RORA: variants seen among roughly 807,000 people sequenced by gnomAD.
The protein encoded by RORA is nuclear receptor ROR-alpha.
In RORA, 7 loss-of-function variants were observed where a neutral mutation model predicts 69.5. The ratio of observed to expected loss-of-function variants is 0.10; its 90% CI spans 0.06 to 0.19. The LOEUF (loss-of-function observed/expected upper bound fraction) is 0.19. Ranked by LOEUF, RORA falls within the 10% of genes least tolerant of loss-of-function variation. The pLI is 1.00. For synonymous variants in RORA, 261 were observed against 240.8 expected (o/e 1.08, Z -0.78); for missense variants, 457 against 663.0 (o/e 0.69, Z 3.41).
At chr15:61,220,270 C>T (rs2080082787) in intron 1 of RORA, among the ~76,000 whole-genome samples, 1 of 152,208 alleles carries the variant, frequency 6.6e-6, no homozygotes, top group African/African-American at 2.4e-5. Context: ...AGCAGTTCAC[C>T]CTCCCAGTTG....
chr15:60,702,942 A>T (rs1596139515), intron 1 of RORA, among the ~76,000 whole-genome samples: 1 of 152,220 alleles, frequency 6.6e-6, no homozygotes, highest in South Asian at 2.1e-4. Context: ...CGTCCCCTTG[A>T]CCTCTATCCA....
At chr15:61,005,134 T>C (rs1446305128) in intron 1 of RORA, among the ~76,000 whole-genome samples, 3 of 152,162 alleles carry the variant, frequency 2.0e-5, no homozygotes, top group Admixed American at 6.5e-5. Flanking sequence ...GGTTCAACAA[T>C]AGGATGATTG....
chr15:61,191,421 G>A (rs2079799196), intron 1 of RORA, among the ~76,000 whole-genome samples: 1 of 151,288 alleles, frequency 6.6e-6, no homozygotes, highest in African/African-American at 2.4e-5. Context: ...TCTAATAGTT[G>A]AGAGTGAAAT....
chr15:60,540,574 C>CTGCCG lies in RORA; in HGVS notation c.197-8724_197-8723insCGGCA, dbSNP rs376142482. Among the ~76,000 whole-genome samples the CTGCCG allele has an allele frequency of 3.9e-5, 4 of 102,646 alleles. 1 individual carries two copies. The highest frequency in any genetic ancestry group is 7.7e-5 in the Non-Finnish European group (4 of 51,910). 67.3% of individuals were successfully genotyped at this position (102,646 alleles called of 152,430 possible). A position where few individuals can be genotyped will look rare whatever the true frequency, so the allele number is the denominator to read the frequency against. On this transcript the variant is annotated intron_variant, in intron 2 of 10. Transcript: ENST00000335670. ...TGCACAATTTCCATGACCCCCCCCC[C>CTGCCG]CCAAAACTGTGCGGTCACAAAACCC...
At chr15:61,029,174 C>A (rs532392567) in intron 1 of RORA, among the ~76,000 whole-genome samples, 1 of 152,068 alleles carries the variant, frequency 6.6e-6, no homozygotes, top group African/African-American at 2.4e-5. Flanking sequence ...AACACCAACC[C>A]GAACCAGATG....
At chr15:60,892,601 A>G (rs77486621) in intron 1 of RORA, among the ~76,000 whole-genome samples, 2,618 of 152,310 alleles carry the variant, frequency 0.017, 42 homozygotes, top group Non-Finnish European at 0.027. Context: ...CGAATATACA[A>G]TCAAAATGGA....
intron 1 of RORA, among the ~76,000 whole-genome samples, chr15:60,939,472 G>A (rs1357296938): frequency 1.3e-5 from 2 of 152,210 alleles, no homozygotes; most frequent in African/African-American, 4.8e-5. Flanking sequence ...GGGCCAGGCT[G>A]GTCCTGAGGT....
chr15:61,121,293 G>C (rs2079102080), intron 1 of RORA, among the ~76,000 whole-genome samples: 1 of 152,208 alleles, frequency 6.6e-6, no homozygotes, highest in Non-Finnish European at 1.5e-5. Context: ...GTGGAACTGG[G>C]TGGCTGTCTG....
At chr15:60,699,807 A>T (rs911015600) in intron 1 of RORA, among the ~76,000 whole-genome samples, 2 of 152,192 alleles carry the variant, frequency 1.3e-5, no homozygotes, top group South Asian at 2.1e-4. Flanking sequence ...TGATATTTTA[A>T]TATTTACCAA....
At chr15:60,744,022 G>A (rs775979092) in intron 1 of RORA, among the ~76,000 whole-genome samples, 28 of 151,548 alleles carry the variant, frequency 1.8e-4, no homozygotes, top group Non-Finnish European at 2.8e-4. Context: ...ATAAGGGGTG[G>A]GTGAGAAAAA....
intron 1 of RORA, among the ~76,000 whole-genome samples, chr15:60,768,136 A>G (rs903530145): frequency 6.6e-6 from 1 of 152,212 alleles, no homozygotes; most frequent in Non-Finnish European, 1.5e-5. Context: ...CTCATCCCCC[A>G]TCATGACACC....
intron 1 of RORA, among the ~76,000 whole-genome samples, chr15:61,000,703 T>G (rs1894718064): frequency 1.3e-5 from 2 of 152,226 alleles, no homozygotes; most frequent in African/African-American, 4.8e-5. Context: ...TGATTACTAT[T>G]GTCCAGCACA....
intron 1 of RORA, among the ~76,000 whole-genome samples, chr15:60,747,656 C>T (rs1038946837): frequency 6.6e-6 from 1 of 152,064 alleles, no homozygotes; most frequent in African/African-American, 2.4e-5. Context: ...GACTACTGTG[C>T]ACAAGGAGAG....
chr15:61,108,863 G>T (rs1465216529), intron 1 of RORA, among the ~76,000 whole-genome samples: 2 of 152,124 alleles, frequency 1.3e-5, no homozygotes, highest in Non-Finnish European at 2.9e-5. Flanking sequence ...AATTAGGAAT[G>T]TGCCAATACT....
chr15:60,856,235 T>G (rs1284951992), intron 1 of RORA, among the ~76,000 whole-genome samples: 3 of 152,220 alleles, frequency 2.0e-5, no homozygotes, highest in East Asian at 3.9e-4. Context: ...CTTGGCATAT[T>G]TGAGGCCACT....
chr15:61,055,518 G>C (rs1003115900), intron 1 of RORA, among the ~76,000 whole-genome samples: 2 of 152,200 alleles, frequency 1.3e-5, no homozygotes, highest in African/African-American at 4.8e-5. Context: ...ATGCCTTGCA[G>C]GTGTGTCAGG....
At position 60,627,240 on chromosome 15, in the gene RORA, T is replaced by G. The variant is rs759453117; in HGVS notation, c.196+51417A>C. 4.3e-6 allele frequency: 7 copies of G among 1,614,054 alleles called. No homozygotes were observed. In the South Asian group the frequency reaches 5.5e-5, roughly 13 times the overall value. ...AACTTGCTCTCAGTGGCTCTTACCT[T>G]CTGGCTCCTTCACCTGCAGGTGTGG... On this transcript the variant is annotated intron_variant, in intron 2 of 10. Transcript: ENST00000335670.
intron 1 of RORA, among the ~76,000 whole-genome samples, chr15:61,087,638 T>C (rs1246711831): frequency 6.6e-6 from 1 of 152,208 alleles, no homozygotes; most frequent in Non-Finnish European, 1.5e-5. Flanking sequence ...TGAGAAGCCA[T>C]AAGTCTGCAG....
chr15:61,143,078 T>C, intron 1 of RORA, among the ~76,000 whole-genome samples: 1 of 152,124 alleles, frequency 6.6e-6, no homozygotes, highest in Middle Eastern at 3.2e-3. Context: ...TATACATATA[T>C]GTACCTAGAA....
Sources: gnomAD v4.1 joint callset for allele counts (sites outside exome capture counted in the v4.1 genomes callset) on GRCh38, gnomAD v4.1.1 for gene constraint, MANE v1.5 for transcripts, NCBI Gene and HGNC (gene_info 2026-07-23, HGNC 2026-07-21) for gene names.